The following LRP12 variants were observed in gnomAD, a reference collection of about 807,000 sequenced individuals.
LRP12 encodes the protein low-density lipoprotein receptor-related protein 12.
In LRP12, 14 loss-of-function variants were observed where a neutral mutation model predicts 66.0. The observed-to-expected ratio is 0.21, with a 90% CI of 0.14 to 0.33. LRP12 has a LOEUF of 0.33. Among genes scored for constraint, LRP12 ranks in the 10% least tolerant of loss-of-function variants. The pLI is 1.00. For synonymous variants in LRP12, 357 were observed against 359.1 expected (o/e 0.99, Z 0.07); for missense variants, 889 against 1,053.4 (o/e 0.84, Z 2.16).
At chr8:104,555,118 G>A (rs867912192) in intron 1 of LRP12, among the ~76,000 whole-genome samples, 16 of 152,080 alleles carry the variant, frequency 1.1e-4, no homozygotes, top group Middle Eastern at 3.2e-3. Flanking sequence ...ACTGTTAAAA[G>A]GAGCTCTAAA....
chr8:104,526,283 T>A (rs950750654), intron 2 of LRP12, among the ~76,000 whole-genome samples: 1 of 151,970 alleles, frequency 6.6e-6, no homozygotes, highest in African/African-American at 2.4e-5. Flanking sequence ...TTCAATGCCA[T>A]CCCCATCAAG....
chr8:104,498,148 G>C, intron 4 of LRP12, 72 bp from the exon 5 acceptor site: 1 of 1,330,058 alleles, frequency 7.5e-7, no homozygotes, highest in Non-Finnish European at 1.0e-6. Flanking sequence ...ACATAAAACA[G>C]CAAGTGATAT....
rs1588516049 is a variant in LRP12 at position 104,589,050 on chromosome 8, G to A, written c.-153C>T. 1 of 375,990 alleles carries A rather than the reference G, an allele frequency of 2.7e-6. No homozygotes were observed. Among genetic ancestry groups the A allele is most frequent in the African/African-American group, 2.1e-5 (1 of 46,656 alleles). The allele number at this position is 375,990 out of a possible 1,614,324, so 23.3% of individuals were successfully genotyped here. On this transcript the variant is annotated 5_prime_UTR_variant, in exon 1 of 7. Transcript: ENST00000276654. ...CCGCGGCTGCGGGAGGGGGAAGGGA[G>A]GGGCCGCCGCCGCCCGCGCGCGCTC...
At chr8:104,571,384 T>TC (rs1011089192) in intron 1 of LRP12, among the ~76,000 whole-genome samples, 5 of 152,050 alleles carry the variant, frequency 3.3e-5, no homozygotes, top group African/African-American at 1.2e-4. Context: ...TGAATTATAA[T>TC]CCCCATAATC....
At chr8:104,515,980 T>C (rs1249509566) in intron 2 of LRP12, among the ~76,000 whole-genome samples, 2 of 152,166 alleles carry the variant, frequency 1.3e-5, no homozygotes, top group Admixed American at 1.3e-4. Flanking sequence ...TCTTGAACTC[T>C]TGAGCTCAAA....
rs573029778 is a variant in LRP12 at position 104,531,888 on chromosome 8, A to G, written c.136+19T>C. On this transcript the variant is annotated intron_variant, in intron 2 of 6. Transcript: ENST00000276654. ...TATAAGTCATGCATGAAATTTAAAC[A>G]TTACAAAAAATGACTTACCAGTTGA... 6.5e-7 allele frequency: 1 copy of G among 1,541,764 alleles called. No individual in the cohort carries two copies. The highest frequency in any genetic ancestry group is 1.9e-5 in the Admixed American group (1 of 53,344).
At chr8:104,573,173 TA>T in intron 1 of LRP12, among the ~76,000 whole-genome samples, 1 of 152,336 alleles carries the variant, frequency 6.6e-6, no homozygotes, top group East Asian at 1.9e-4. Context: ...CCTGGGCAAA[TA>T]CTTTTACATA....
chr8:104,570,357 T>C (rs1384034884), intron 1 of LRP12, among the ~76,000 whole-genome samples: 3 of 152,294 alleles, frequency 2.0e-5, no homozygotes, highest in South Asian at 4.1e-4. Context: ...AAGGATTGCA[T>C]ACGCTACCCA....
intron 2 of LRP12, among the ~76,000 whole-genome samples, chr8:104,518,158 C>T (rs1479498909): frequency 2.0e-5 from 3 of 152,024 alleles, no homozygotes; most frequent in Non-Finnish European, 1.5e-5. Context: ...TTTCCAAGTC[C>T]AAGAACTGTA....
At chr8:104,501,850 TTTG>T (rs1361368813) in intron 3 of LRP12, among the ~76,000 whole-genome samples, 1 of 152,218 alleles carries the variant, frequency 6.6e-6, no homozygotes, top group Non-Finnish European at 1.5e-5. Context: ...TTAAGTCTAA[TTTG>T]TTATTTTTGC....
At chr8:104,527,595 C>T (rs1349384071) in intron 2 of LRP12, among the ~76,000 whole-genome samples, 1 of 151,864 alleles carries the variant, frequency 6.6e-6, no homozygotes, top group African/African-American at 2.4e-5. Flanking sequence ...AAAAACCAAA[C>T]ACCGCATGTT....
chr8:104,509,154 A>C (rs1403722366), intron 2 of LRP12, 80 bp from the exon 3 acceptor site: 2 of 1,337,486 alleles, frequency 1.5e-6, no homozygotes, highest in East Asian at 4.7e-5. Flanking sequence ...ATTTTTTAAA[A>C]ACCAAAAAAC....
intron 1 of LRP12, among the ~76,000 whole-genome samples, chr8:104,549,109 C>G (rs948877846): frequency 6.6e-6 from 1 of 152,064 alleles, no homozygotes; most frequent in African/African-American, 2.4e-5. Flanking sequence ...TCCCTTGTTT[C>G]CTCTTAAATA....
At chr8:104,570,910 A>G (rs1812069713) in intron 1 of LRP12, among the ~76,000 whole-genome samples, 1 of 152,232 alleles carries the variant, frequency 6.6e-6, no homozygotes, top group Non-Finnish European at 1.5e-5. Context: ...CCCAATTAAA[A>G]ATGAGTAATG....
intron 1 of LRP12, among the ~76,000 whole-genome samples, chr8:104,580,007 A>G (rs534194266): frequency 5.5e-4 from 84 of 152,314 alleles, no homozygotes; most frequent in African/African-American, 1.9e-3. Flanking sequence ...ACCATTCTAG[A>G]CACAAAAATA....
At chr8:104,575,289 C>T (rs1402980290) in intron 1 of LRP12, among the ~76,000 whole-genome samples, 1 of 152,218 alleles carries the variant, frequency 6.6e-6, no homozygotes, top group African/African-American at 2.4e-5. Flanking sequence ...CAGTTACCAG[C>T]AGCAGGTCCC....
intron 2 of LRP12, among the ~76,000 whole-genome samples, chr8:104,521,612 T>C (rs1367979557): frequency 2.1e-5 from 3 of 145,534 alleles, no homozygotes; most frequent in African/African-American, 8.1e-5. Flanking sequence ...GTAATGTTTT[T>C]ATATATATAT....
rs767018197 is a variant in LRP12 at position 104,490,778 on chromosome 8, G to A, written c.2475C>T (p.Pro825=). The change falls in exon 7 of 7, where the codon CCC becomes CCT. Residue 825 remains proline (P), a synonymous_variant. Coordinates refer to ENST00000276654, the MANE Select transcript of LRP12 (RefSeq NM_013437.5). ...TGTGGACAATACCACAGCGCTCACA[G>A]GGGCCATCTCGATTACTTGGCCTTA... is the stretch of plus-strand genomic sequence containing the variant. ...PGVRPSNRDG[P]CERCGIVHTA... 1.9e-6 allele frequency: 3 copies of A among 1,614,092 alleles called. No individual in the cohort carries two copies. Among genetic ancestry groups the A allele is most frequent in the Non-Finnish European group, 2.5e-6 (3 of 1,179,998 alleles).
chr8:104,550,782 A>C (rs1294174722), intron 1 of LRP12, among the ~76,000 whole-genome samples: 2 of 152,184 alleles, frequency 1.3e-5, no homozygotes, highest in African/African-American at 2.4e-5. Flanking sequence ...TGCCTGGTTC[A>C]TATTAGACAG....
Sources: gnomAD v4.1 joint callset for allele counts (sites outside exome capture counted in the v4.1 genomes callset) on GRCh38, gnomAD v4.1.1 for gene constraint, MANE v1.5 for transcripts, NCBI Gene and HGNC (gene_info 2026-07-23, HGNC 2026-07-21) for gene names.